C3orf20: variants seen among roughly 807,000 people sequenced by gnomAD.
C3orf20 encodes uncharacterized protein C3orf20.
C3orf20 carries 76 observed loss-of-function variants against 88.3 expected under a neutral mutation model. The observed-to-expected ratio is 0.86, with a 90% CI of 0.72 to 1.04. The LOEUF is 1.04. Among genes scored for constraint, C3orf20 ranks in the 50% least tolerant of loss-of-function variants. The pLI is 0.00. For synonymous variants in C3orf20, 436 were observed against 437.4 expected (o/e 1.00, Z 0.04); for missense variants, 1,056 against 1,123.3 (o/e 0.94, Z 0.86).
intron 5 of C3orf20, among the ~76,000 whole-genome samples, chr3:14,699,842 G>A (rs1029589228): frequency 6.6e-6 from 1 of 152,190 alleles, no homozygotes; most frequent in Non-Finnish European, 1.5e-5. Context: ...GGGAGTTGCA[G>A]TCCTTGCGGC....
At chr3:14,727,471 T>C (rs1351749137) in intron 11 of C3orf20, among the ~76,000 whole-genome samples, 2 of 152,160 alleles carry the variant, frequency 1.3e-5, no homozygotes, top group African/African-American at 4.8e-5. Context: ...CTCTAGGCTG[T>C]CCCTGTTAGG....
intron 10 of C3orf20, 122 bp from the exon 11 acceptor site, chr3:14,726,779 A>G: frequency 1.5e-6 from 2 of 1,335,646 alleles, no homozygotes; most frequent in Non-Finnish European, 2.1e-6. Context: ...TGTTCCAGGT[A>G]GGGGTAGGGG....
At position 14,690,051 on chromosome 3, in the gene C3orf20, AC is replaced by A. The variant is rs1453006601; in HGVS notation, c.682del (p.His228ThrfsTer7). 1 of 1,614,026 alleles carries A rather than the reference AC, an allele frequency of 6.2e-7. No individual in the cohort carries two copies. Among genetic ancestry groups the A allele is most frequent in the Non-Finnish European group, 8.5e-7 (1 of 1,180,032 alleles). Reference protein sequence around the residue: ...IGVNSPYQLIYHSSTACLSFS... With the variant: ...IGVNSPYQLIXHSSTACLSFS... ...GTGAACTCGCCTTACCAGCTGATCT[AC>A]CACTCTTCCACAGCCTGTCTGAGCT... On this transcript the variant is annotated frameshift_variant, in exon 5 of 17. Transcript: ENST00000253697. LOFTEE classifies it high-confidence loss of function.
chr3:14,727,329 G>A (rs772310963), intron 11 of C3orf20, among the ~76,000 whole-genome samples: 31 of 152,170 alleles, frequency 2.0e-4, no homozygotes, highest in Non-Finnish European at 4.4e-4. Context: ...GTAGCTGGCT[G>A]TGTCCCTCTT....
Position 14,772,968 on chromosome 3 carries a change from T to A in C3orf20, c.*93T>A. 1.1e-6 allele frequency: 1 copy of A among 921,024 alleles called. No homozygotes were observed. The highest frequency in any genetic ancestry group is 1.4e-5 in the South Asian group (1 of 73,682). The allele number at this position is 921,024 out of a possible 1,614,324, so 57.1% of individuals were successfully genotyped here. On this transcript the variant is annotated 3_prime_UTR_variant, in exon 17 of 17. Coordinates refer to ENST00000253697, the MANE Select transcript of C3orf20 (RefSeq NM_032137.5). This position sits in a 1 kb window ranked among gnomAD's most constrained non-coding sequence, Gnocchi z 4.2. ...GCCCTGCCTCCCCGGTCTCCCACCC[T>A]GTCCTCCAAGCTTCTATAATAAACC...
intron 5 of C3orf20, among the ~76,000 whole-genome samples, chr3:14,696,190 ACTATC>A (rs2032991282): frequency 6.6e-6 from 1 of 150,822 alleles, no homozygotes; most frequent in African/African-American, 2.4e-5. Flanking sequence ...GCTTGCAAAT[ACTATC>A]CTATAACTCA....
Position 14,768,276 on chromosome 3 carries a change from A to T in C3orf20, c.2496-3791A>T, listed in dbSNP as rs1009375142. ...TGCATACACCAAGACCCCTCCAAGG[A>T]TGGAGCTGTGGAGAGCAGGCCCCGT... On this transcript the variant is annotated intron_variant, in intron 15 of 16. Coordinates refer to ENST00000253697, the MANE Select transcript of C3orf20 (RefSeq NM_032137.5). The surrounding 1 kb of genome is among the most constrained non-coding windows in gnomAD (Gnocchi z 4.1). Among the ~76,000 whole-genome samples, 2 of 151,952 alleles carry T rather than the reference A, an allele frequency of 1.3e-5. No individual in the cohort carries two copies. The highest frequency in any genetic ancestry group is 4.8e-5 in the African/African-American group (2 of 41,278).
intron 5 of C3orf20, among the ~76,000 whole-genome samples, chr3:14,691,299 T>C (rs1197637387): frequency 6.6e-6 from 1 of 152,156 alleles, no homozygotes; most frequent in Non-Finnish European, 1.5e-5. Context: ...CAGCACCCCA[T>C]TGCATGTGCG....
intron 4 of C3orf20, among the ~76,000 whole-genome samples, chr3:14,684,692 A>G (rs1250922322): frequency 6.6e-6 from 1 of 152,156 alleles, no homozygotes; most frequent in Non-Finnish European, 1.5e-5. Context: ...TAAAATTTCC[A>G]GTCTGTTGTG....
chr3:14,744,043 C>T (rs2034990936), intron 12 of C3orf20, among the ~76,000 whole-genome samples: 1 of 152,076 alleles, frequency 6.6e-6, no homozygotes. Flanking sequence ...CAAATTTCTG[C>T]AGCCAACTTG....
chr3:14,743,967 T>C (rs2034988788), intron 12 of C3orf20, among the ~76,000 whole-genome samples: 1 of 152,080 alleles, frequency 6.6e-6, no homozygotes, highest in South Asian at 2.1e-4. Flanking sequence ...GGAAGTTCTC[T>C]GATATGGCCT....
intron 7 of C3orf20, among the ~76,000 whole-genome samples, chr3:14,713,197 C>G (rs1353002394): frequency 1.3e-5 from 2 of 152,090 alleles, no homozygotes; most frequent in African/African-American, 4.8e-5. Flanking sequence ...TATTGTCTTT[C>G]ATCAAATTTG....
Position 14,707,662 on chromosome 3 carries a change from T to G in C3orf20, c.1160+3044T>G, listed in dbSNP as rs115392483. On this transcript the variant is annotated intron_variant, in intron 7 of 16. Transcript: ENST00000253697. ...TTTTTTCCTATACTGTCATATGCCT[T>G]TTCACTCTCTCAGTAGCATCATTTA... 3.4e-3 allele frequency among the ~76,000 whole-genome samples: 524 copies of G among 152,128 alleles called. 1 individual carries two copies. The highest frequency in any genetic ancestry group is 0.012 in the African/African-American group (503 of 41,484).
chr3:14,686,200 G>A (rs1320507189), intron 4 of C3orf20, among the ~76,000 whole-genome samples: 1 of 152,000 alleles, frequency 6.6e-6, no homozygotes, highest in African/African-American at 2.4e-5. Context: ...ATTCGTGTGT[G>A]TGTGTGTGTG....
At chr3:14,723,508 T>A (rs552665382) in intron 10 of C3orf20, among the ~76,000 whole-genome samples, 1 of 152,318 alleles carries the variant, frequency 6.6e-6, no homozygotes, top group South Asian at 2.1e-4. Flanking sequence ...ATTCTCTCAA[T>A]CTAATGGAAG....
rs35504025 is a variant in C3orf20, at chr3:14,719,125, G to GTT, written c.1435-2512_1435-2511dup. ...CACTCTTCATAGCCTTTGGGTCATT[G>GTT]TTTTTTTTTTTTTTTTTAATTTTTT... On this transcript the variant is annotated intron_variant, in intron 9 of 16. Transcript: ENST00000253697. Among the ~76,000 whole-genome samples, 93 of 133,158 alleles carry GTT rather than the reference G, an allele frequency of 7.0e-4. 1 individual carries two copies. The highest frequency in any genetic ancestry group is 1.7e-3 in the South Asian group (7 of 4,216). 87.4% of individuals were successfully genotyped at this position (133,158 alleles called of 152,430 possible).
intron 5 of C3orf20, among the ~76,000 whole-genome samples, chr3:14,702,285 A>C (rs2124932247): frequency 6.6e-6 from 1 of 152,226 alleles, no homozygotes; most frequent in Non-Finnish European, 1.5e-5. Context: ...TAGCACGGGA[A>C]AGACCGGCCC....
chr3:14,688,051 T>C (rs1420532089), intron 4 of C3orf20, among the ~76,000 whole-genome samples: 1 of 151,980 alleles, frequency 6.6e-6, no homozygotes, highest in Non-Finnish European at 1.5e-5. Context: ...AACGAAGGAG[T>C]GATCCATTTA....
intron 12 of C3orf20, among the ~76,000 whole-genome samples, chr3:14,748,564 T>A (rs955441210): frequency 1.3e-5 from 2 of 152,212 alleles, no homozygotes; most frequent in African/African-American, 4.8e-5. Context: ...TGAGATTTTC[T>A]TCTCTTTTAA....
Sources: allele counts gnomAD v4.1 joint callset (sites outside exome capture counted in the v4.1 genomes callset), GRCh38; gene constraint gnomAD v4.1.1; non-coding constraint Gnocchi (gnomAD v3.1); transcripts MANE v1.5; gene names NCBI Gene and HGNC (gene_info 2026-07-23, HGNC 2026-07-21).